The following NLRP5 variants were observed in gnomAD, a reference collection of about 807,000 sequenced individuals.
NLRP5 encodes the protein NACHT, LRR and PYD domains-containing protein 5.
NLRP5 carries 93 observed loss-of-function variants against 113.1 expected under a neutral mutation model. The ratio of observed to expected loss-of-function variants is 0.82; its 90% CI spans 0.70 to 0.98. The LOEUF is 0.98. Among genes scored for constraint, NLRP5 ranks in the 50% least tolerant of loss-of-function variants. The pLI is 0.00. For synonymous variants in NLRP5, 751 were observed against 600.7 expected, an observed-to-expected ratio of 1.25 and a Z score of -3.66; for missense variants, 1,808 against 1,514.3, an observed-to-expected ratio of 1.19 and a Z score of -3.22.
intron 3 of NLRP5, among the ~76,000 whole-genome samples, chr19:56,012,198 G>T (rs889568527): frequency 6.6e-6 from 1 of 151,976 alleles, no homozygotes; most frequent in Non-Finnish European, 1.5e-5. Flanking sequence ...GCCCAGGCTG[G>T]AGTGCAGTGG....
chr19:56,018,549 G>T (rs1982493664), intron 4 of NLRP5: 1 of 152,190 alleles, frequency 6.6e-6, no homozygotes, highest in Non-Finnish European at 1.5e-5. Flanking sequence ...CTTACAAATA[G>T]TTTATGACAA....
intron 12 of NLRP5, among the ~76,000 whole-genome samples, chr19:56,051,951 AG>A (rs1344902700): frequency 2.6e-5 from 4 of 152,212 alleles, no homozygotes; most frequent in African/African-American, 9.6e-5. Flanking sequence ...AGTGCCCCCA[AG>A]TATTAATTCT....
intron 9 of NLRP5, among the ~76,000 whole-genome samples, chr19:56,037,266 GC>G (rs1262685632): frequency 6.6e-6 from 1 of 152,126 alleles, no homozygotes; most frequent in Non-Finnish European, 1.5e-5. Flanking sequence ...ATGCTCGAGT[GC>G]CCTTTGTGTA....
the NLRP5 span, among the ~76,000 whole-genome samples, chr19:55,993,090 C>T: frequency 1.1e-4 from 17 of 149,474 alleles, no homozygotes; most frequent in Non-Finnish European, 1.8e-4. Flanking sequence ...CTCAGGTGAT[C>T]CACCCACCTC....
intron 1 of NLRP5, among the ~76,000 whole-genome samples, chr19:56,001,968 T>C (rs1038454764): frequency 6.6e-6 from 1 of 152,174 alleles, no homozygotes; most frequent in African/African-American, 2.4e-5. Flanking sequence ...AGGGCTCTTA[T>C]AATGACAAGA....
chr19:56,047,802 C>G (rs1983783161), intron 11 of NLRP5, among the ~76,000 whole-genome samples: 1 of 152,090 alleles, frequency 6.6e-6, no homozygotes, highest in Non-Finnish European at 1.5e-5. Flanking sequence ...CATGACCTGT[C>G]CAGTGCTGTT....
In NLRP5 at chr19:56,026,818, T is replaced by C. The variant is rs534406747; in HGVS notation, c.680-95T>C. ...CTCAAACTCCTGACCTCAGGTGATA[T>C]GCCCATCTTGACCTCCCACAGTGCT... On this transcript the variant is annotated intron_variant, in intron 6 of 14. Transcript: ENST00000390649. The C allele has an allele frequency of 3.8e-5, 49 of 1,284,300 alleles. No homozygotes were observed. In the Middle Eastern group the frequency reaches 7.3e-4, roughly 19 times the overall value. The allele number at this position is 1,284,300 out of a possible 1,614,324, so 79.6% of individuals were successfully genotyped here.
At chr19:56,017,583 T>G (rs902753464) in intron 4 of NLRP5, among the ~76,000 whole-genome samples, 1 of 152,236 alleles carries the variant, frequency 6.6e-6, no homozygotes, top group Admixed American at 6.5e-5. Context: ...ATTTTCTGAC[T>G]GATTTCTAAT....
intron 6 of NLRP5, among the ~76,000 whole-genome samples, chr19:56,026,684 T>TTC (rs1314384665): frequency 6.6e-6 from 1 of 151,566 alleles, no homozygotes; most frequent in Non-Finnish European, 1.5e-5. Flanking sequence ...GTTCAAGCAA[T>TTC]TCTCCTGCCT....
At chr19:56,022,780 A>C (rs1033604613) in intron 6 of NLRP5, among the ~76,000 whole-genome samples, 2 of 152,130 alleles carry the variant, frequency 1.3e-5, no homozygotes, top group Admixed American at 1.3e-4. Context: ...GCTGGAGTGC[A>C]ATGGCGCGAT....
At position 56,012,757 on chromosome 19, in the gene NLRP5, T is replaced by C. The variant is rs537749880; in HGVS notation, c.509-2985T>C. 2.0e-3 allele frequency among the ~76,000 whole-genome samples: 312 copies of C among 152,320 alleles called. 1 individual carries two copies. The highest frequency in any genetic ancestry group is 3.5e-3 in the Non-Finnish European group (236 of 68,028). On this transcript the variant is annotated intron_variant, in intron 3 of 14. Transcript: ENST00000390649. ...AGACTTCTTTCAAGTGTTAAACTGC[T>C]GTTGCTTTCCTGGAATACCTGTGAT...
intron 13 of NLRP5, 150 bp from the exon 14 acceptor site, chr19:56,058,090 G>T: frequency 1.7e-6 from 1 of 604,164 alleles, no homozygotes; most frequent in East Asian, 2.9e-5. Flanking sequence ...CCAGAAACTG[G>T]GAGGCAGAGC....
intron 3 of NLRP5, among the ~76,000 whole-genome samples, chr19:56,015,206 G>C (rs950070061): frequency 3.3e-5 from 5 of 152,010 alleles, no homozygotes; most frequent in Admixed American, 2.0e-4. Flanking sequence ...TGTTTTGTTT[G>C]TTTGTTTGTT....
chr19:56,017,194 G>A (rs1243639431), intron 4 of NLRP5, among the ~76,000 whole-genome samples: 1 of 151,824 alleles, frequency 6.6e-6, no homozygotes, highest in African/African-American at 2.4e-5. Context: ...TTTTTTCCTT[G>A]GTCAGTCTGG....
chr19:56,016,872 G>C (rs560073698), intron 4 of NLRP5, among the ~76,000 whole-genome samples: 1 of 152,078 alleles, frequency 6.6e-6, no homozygotes, highest in African/African-American at 2.4e-5. Flanking sequence ...GCAGTGGCGC[G>C]ATCTCAGCTC....
At chr19:56,042,120 A>G (rs7255920) in intron 11 of NLRP5, among the ~76,000 whole-genome samples, 27,113 of 152,184 alleles carry the variant, frequency 0.18, 2,580 homozygotes, top group East Asian at 0.27. Context: ...CTCTGCACAC[A>G]TGCATGACCA....
At chr19:56,026,630 G>C (rs1982863418) in intron 6 of NLRP5, among the ~76,000 whole-genome samples, 1 of 150,556 alleles carries the variant, frequency 6.6e-6, no homozygotes, top group African/African-American at 2.4e-5. Flanking sequence ...CCAGGCTGGA[G>C]TGCAGTGGTG....
intron 3 of NLRP5, among the ~76,000 whole-genome samples, chr19:56,013,805 T>C (rs1157761724): frequency 2.6e-5 from 4 of 152,040 alleles, no homozygotes; most frequent in Non-Finnish European, 5.9e-5. Context: ...CACCAACACC[T>C]TAATGAAAGC....
upstream of NLRP5, among the ~76,000 whole-genome samples, chr19:55,999,010 C>T (rs879290337): frequency 6.6e-6 from 1 of 151,496 alleles, no homozygotes; most frequent in African/African-American, 2.4e-5. Context: ...TCATTATTAA[C>T]TCTAGTTGCC....
Sources: allele counts gnomAD v4.1 joint callset (sites outside exome capture counted in the v4.1 genomes callset), GRCh38; gene constraint gnomAD v4.1.1; transcripts MANE v1.5; gene names NCBI Gene and HGNC (gene_info 2026-07-23, HGNC 2026-07-21).